The following FAT3 variants were observed in gnomAD, a reference collection of about 807,000 sequenced individuals.
FAT3 encodes the protein protocadherin Fat 3.
In FAT3, 95 loss-of-function variants were observed where a neutral mutation model predicts 310.2. That is an observed-to-expected ratio of 0.31 (90% confidence interval 0.26 to 0.36). The LOEUF is 0.36. Among genes scored for constraint, FAT3 ranks in the 10% least tolerant of loss-of-function variants. The pLI is 1.00. For synonymous variants in FAT3, 2,314 were observed against 2,192.9 expected (o/e 1.06, Z -1.54); for missense variants, 5,408 against 5,715.6 (o/e 0.95, Z 1.74).
intron 1 of FAT3, among the ~76,000 whole-genome samples, chr11:92,248,906 C>T (rs1865034101): frequency 6.6e-6 from 1 of 151,966 alleles, no homozygotes; most frequent in Non-Finnish European, 1.5e-5. Flanking sequence ...CTGGAAGAAA[C>T]TTTAGAATGA....
intron 3 of FAT3, among the ~76,000 whole-genome samples, chr11:92,614,585 C>T (rs1000060999): frequency 2.6e-5 from 4 of 151,984 alleles, no homozygotes; most frequent in East Asian, 1.9e-4. Context: ...AAGATATAGC[C>T]GCTCATTTGG....
Position 92,761,963 on chromosome 11 carries a change from C to T in FAT3, c.3777C>T (p.Tyr1259=), listed in dbSNP as rs201043437. The T allele has an allele frequency of 6.2e-7, 1 of 1,613,926 alleles. No individual in the cohort carries two copies. The highest frequency in any genetic ancestry group is 8.5e-7 in the Non-Finnish European group (1 of 1,179,870). ...DNKPQFPEKV[Y]QIKLPERDRK... ...AGCCCCAGTTCCCAGAGAAGGTCTA[C>T]CAGATCAAGCTGCCAGAACGTGACC... Residue 1259 remains tyrosine, a synonymous_variant, in exon 5 of 28, where the codon TAC becomes TAT. Transcript: ENST00000525166.
At chr11:92,382,275 G>T (rs1949513553) in intron 2 of FAT3, among the ~76,000 whole-genome samples, 1 of 152,154 alleles carries the variant, frequency 6.6e-6, no homozygotes, top group South Asian at 2.1e-4. Flanking sequence ...CAGAATTGGT[G>T]TTTAAAATAT....
In FAT3 at chr11:92,891,226, T is replaced by G; in HGVS notation, c.*113T>G. On this transcript the variant is annotated 3_prime_UTR_variant, in exon 28 of 28. Transcript: ENST00000525166. Reference sequence around the variant, plus strand: ...TGGAATGAGAAGGGAATACTGTATTTTTCCACTAGAAACTTCTTCACAAGT... The same window carrying G: ...TGGAATGAGAAGGGAATACTGTATTGTTCCACTAGAAACTTCTTCACAAGT... 6 of 1,367,142 alleles carry G rather than the reference T, an allele frequency of 4.4e-6. No individual in the cohort carries two copies. The highest frequency in any genetic ancestry group is 5.9e-6 in the Non-Finnish European group (6 of 1,013,140). The allele number at this position is 1,367,142 out of a possible 1,614,324, so 84.7% of individuals were successfully genotyped here.
chr11:92,373,610 A>C (rs1274326445), intron 2 of FAT3, among the ~76,000 whole-genome samples: 1 of 152,116 alleles, frequency 6.6e-6, no homozygotes, highest in African/African-American at 2.4e-5. Context: ...AATATATAGT[A>C]TATACTGTTA....
rs1938501869 is a variant in FAT3 at position 92,576,678 on chromosome 11, TGTCACACAGAGAAG to T, written c.3607+51732_3607+51745del. On this transcript the variant is annotated intron_variant, in intron 3 of 27. Transcript: ENST00000525166. ...GCAAAGGTTCCAATCAGTGGAGCTT[TGTCACACAGAGAAG>T]GGAGAAAGATAGAAAGGAGGATTCC... 3.3e-5 allele frequency among the ~76,000 whole-genome samples: 5 copies of T among 152,250 alleles called. No individual in the cohort carries two copies. The South Asian group carries it at 1.0e-3, about 32-fold the overall frequency.
intron 3 of FAT3, among the ~76,000 whole-genome samples, chr11:92,555,970 C>T (rs775634058): frequency 3.9e-5 from 6 of 152,154 alleles, no homozygotes; most frequent in East Asian, 1.9e-4. Context: ...TCGGTCTGCT[C>T]GGTTTAAAAA....
At chr11:92,649,237 G>T (rs1565485672) in intron 3 of FAT3, among the ~76,000 whole-genome samples, 1 of 152,130 alleles carries the variant, frequency 6.6e-6, no homozygotes. Context: ...ATCTTAAAAT[G>T]GAAGTTTACA....
intron 1 of FAT3, among the ~76,000 whole-genome samples, chr11:92,278,931 T>C (rs999043206): frequency 1.3e-5 from 2 of 152,088 alleles, no homozygotes; most frequent in South Asian, 2.1e-4. Context: ...GTTTACAGCA[T>C]GAGTGGCTTC....
At chr11:92,537,638 A>C (rs1023031864) in intron 3 of FAT3, among the ~76,000 whole-genome samples, 6 of 152,144 alleles carry the variant, frequency 3.9e-5, no homozygotes, top group Non-Finnish European at 7.4e-5. Context: ...GCCTATGTGC[A>C]TGAAGCAACT....
At chr11:92,641,894 G>A (rs1379166790) in intron 3 of FAT3, among the ~76,000 whole-genome samples, 1 of 152,208 alleles carries the variant, frequency 6.6e-6, no homozygotes, top group Non-Finnish European at 1.5e-5. Context: ...GTTCTTAATA[G>A]CTGAAAAAGT....
intron 3 of FAT3, among the ~76,000 whole-genome samples, chr11:92,547,601 C>T (rs1457144508): frequency 1.3e-5 from 2 of 152,056 alleles, no homozygotes; most frequent in African/African-American, 4.8e-5. Context: ...GGGAGGAGAG[C>T]AGGCCCTACC....
At chr11:92,686,371 C>A (rs1943634963) in intron 3 of FAT3, among the ~76,000 whole-genome samples, 1 of 152,154 alleles carries the variant, frequency 6.6e-6, no homozygotes, top group African/African-American at 2.4e-5. Context: ...ATTACAACAT[C>A]AAAATGGTGG....
chr11:92,796,614 T>A (rs192093531), intron 9 of FAT3, among the ~76,000 whole-genome samples: 1 of 152,304 alleles, frequency 6.6e-6, no homozygotes, highest in East Asian at 1.9e-4. Context: ...TAGAGTTGAA[T>A]AACCAAGATC....
chr11:92,610,079 A>G (rs1014669215), intron 3 of FAT3, among the ~76,000 whole-genome samples: 1 of 152,176 alleles, frequency 6.6e-6, no homozygotes, highest in Non-Finnish European at 1.5e-5. Context: ...AGTCGATATT[A>G]TGTGAAAATT....
chr11:92,308,953 A>C (rs2134448894), intron 1 of FAT3, among the ~76,000 whole-genome samples: 1 of 152,174 alleles, frequency 6.6e-6, no homozygotes, highest in African/African-American at 2.4e-5. Context: ...GAACTAGCCA[A>C]GTATGGTGTT....
chr11:92,595,519 C>A (rs1416925581), intron 3 of FAT3, among the ~76,000 whole-genome samples: 1 of 152,168 alleles, frequency 6.6e-6, no homozygotes, highest in East Asian at 1.9e-4. Context: ...GGTAGTACTT[C>A]CTGGCCCAGG....
intron 19 of FAT3, among the ~76,000 whole-genome samples, chr11:92,854,482 T>C (rs1340715846): frequency 1.3e-5 from 2 of 152,192 alleles, no homozygotes; most frequent in African/African-American, 4.8e-5. Context: ...AGCTGGCATC[T>C]TCACAGTGGC....
intron 1 of FAT3, among the ~76,000 whole-genome samples, 177 bp from the exon 2 acceptor site, chr11:92,351,919 A>G (rs12365826): frequency 0.077 from 11,737 of 152,204 alleles, 654 homozygotes; most frequent in African/African-American, 0.15. Context: ...TAGTAATCTT[A>G]AGTTCCTTAT....
Sources: gnomAD v4.1 joint callset for allele counts (sites outside exome capture counted in the v4.1 genomes callset) on GRCh38, gnomAD v4.1.1 for gene constraint, MANE v1.5 for transcripts, NCBI Gene and HGNC (gene_info 2026-07-23, HGNC 2026-07-21) for gene names.